The following DNAH10 variants were observed in gnomAD, a reference collection of about 807,000 sequenced individuals.
The protein encoded by DNAH10 is dynein axonemal heavy chain 10.
A neutral mutation model predicts 506.6 loss-of-function variants in DNAH10; 348 were observed. The observed-to-expected ratio is 0.69, with a 90% CI of 0.63 to 0.75. The LOEUF is 0.75. DNAH10 is among the 30% of genes least tolerant of loss of function. The pLI, the probability that DNAH10 is intolerant of heterozygous loss-of-function variation, is 0.00. For missense variants in DNAH10, 5,179 were observed against 5,787.1 expected (o/e 0.89, Z 3.41); for synonymous variants, 2,059 against 2,198.6 (o/e 0.94, Z 1.78).
In DNAH10 at chr12:123,933,426, C is replaced by T. The variant is rs56219209; in HGVS notation, c.13392C>T (p.Asn4464=). The part of the protein sequence containing the change: ...TALVQATCRK[N]GWPLDRSTLF... ...TGGTGCAGGCCACCTGCCGGAAGAA[C>T]GGCTGGCCACTGGACCGCTCCACCT... Residue 4464 remains asparagine (N), a synonymous_variant, in exon 77 of 79, where the codon AAC becomes AAT. Transcript: ENST00000673944. 0.019 allele frequency: 30,059 copies of T among 1,612,662 alleles called. 354 individuals are homozygous for T. Among genetic ancestry groups the T allele is most frequent in the Middle Eastern group, 0.028 (164 of 5,832 alleles).
chr12:123,832,065 CAT>C (rs1250336078), intron 26 of DNAH10, among the ~76,000 whole-genome samples: 5 of 152,308 alleles, frequency 3.3e-5, no homozygotes, highest in African/African-American at 1.2e-4. Flanking sequence ...CATGTAGACA[CAT>C]ATGCATGCAA....
At chr12:123,922,939 T>G (rs1954792613) in intron 65 of DNAH10, 2 of 152,162 alleles carry the variant, frequency 1.3e-5, no homozygotes. Context: ...TTTGGAGAAA[T>G]ATAATTTAGC....
intron 52 of DNAH10, among the ~76,000 whole-genome samples, chr12:123,889,237 G>T (rs1187889495): frequency 6.6e-6 from 1 of 152,150 alleles, no homozygotes; most frequent in Non-Finnish European, 1.5e-5. Flanking sequence ...ATGCTTCTGC[G>T]TGCCACTATC....
chr12:123,781,783 A>G (rs780737286), intron 6 of DNAH10, among the ~76,000 whole-genome samples: 4 of 152,094 alleles, frequency 2.6e-5, no homozygotes, highest in Non-Finnish European at 5.9e-5. Flanking sequence ...GGATTTTTGA[A>G]TACATTTTTC....
At position 123,909,620 on chromosome 12, in the gene DNAH10, G is replaced by A. The variant is rs568804295; in HGVS notation, c.9997+178G>A. On this transcript the variant is annotated intron_variant, in intron 58 of 78. Coordinates refer to ENST00000673944, the MANE Select transcript of DNAH10 (RefSeq NM_001372106.1). The surrounding 1 kb of genome is among the most constrained non-coding windows in gnomAD (Gnocchi z 5.4). ...CAGAGGAAAACAGCAGCCCCATGAC[G>A]TGACCCAGGGAGAGTGGCTGGGGAT... Among the ~76,000 whole-genome samples the A allele has an allele frequency of 1.0e-3, 157 of 152,332 alleles. 3 individuals are homozygous for A. The South Asian group carries it at 0.022, about 22-fold the overall frequency.
In DNAH10 at chr12:123,878,612, G is replaced by A. The variant is rs540938766; in HGVS notation, c.8373-652G>A. On this transcript the variant is annotated intron_variant, in intron 48 of 78. Transcript: ENST00000673944. ...GAGTTGGCTCTTAGAAAAAGGAGCT[G>A]TCGGCCAGGCACAGTGGCTAATGCC... Among the ~76,000 whole-genome samples the A allele has an allele frequency of 8.5e-5, 13 of 152,288 alleles. No individual in the cohort carries two copies. The East Asian group carries it at 2.3e-3, about 27-fold the overall frequency.
rs764802017 is a variant in DNAH10 at position 123,897,912 on chromosome 12, T to A, written c.9423T>A (p.Leu3141=). Residue 3141 remains leucine, a synonymous_variant, in exon 55 of 79, where the codon CTT becomes CTA. Coordinates refer to ENST00000673944, the MANE Select transcript of DNAH10 (RefSeq NM_001372106.1). ...RSNYVTPKNY[L]DFINTYSKLL... is the part of the protein sequence containing the mutation. ...ACTATGTCACTCCCAAGAACTACCT[T>A]GATTTTATTAACACCTATTCAAAAT... is the stretch of plus-strand genomic sequence containing the variant. 6.2e-7 allele frequency: 1 copy of A among 1,608,630 alleles called. No individual in the cohort carries two copies. Among genetic ancestry groups the A allele is most frequent in the Non-Finnish European group, 8.5e-7 (1 of 1,178,548 alleles).
rs143644294 is a variant in DNAH10, at chr12:123,925,239, G to A, written c.11921+35G>A. 1,057 of 1,612,758 alleles carry A rather than the reference G, an allele frequency of 6.6e-4. 6 individuals carry two copies. The African/African-American group carries it at 0.012, about 18-fold the overall frequency. On this transcript the variant is annotated intron_variant, in intron 68 of 78. Coordinates refer to ENST00000673944, the MANE Select transcript of DNAH10 (RefSeq NM_001372106.1). The surrounding 1 kb of genome is among the most constrained non-coding windows in gnomAD (Gnocchi z 4.0). Reference sequence around the variant, plus strand: ...TCGTTTTGTTGATTTGCCACTTTCCGTGGGGTGGAATCTCTAGCGTCCTCC... The same window carrying A: ...TCGTTTTGTTGATTTGCCACTTTCCATGGGGTGGAATCTCTAGCGTCCTCC...
intron 38 of DNAH10, among the ~76,000 whole-genome samples, chr12:123,859,872 TA>T (rs1165465724): frequency 1.3e-5 from 2 of 150,406 alleles, no homozygotes; most frequent in African/African-American, 2.4e-5. Flanking sequence ...GTCTCCACAT[TA>T]AAAAAAAATT....
chr12:123,796,973 C>G (rs921181025), intron 13 of DNAH10, 141 bp downstream of exon 13: 1 of 688,934 alleles, frequency 1.5e-6, no homozygotes, highest in Non-Finnish European at 2.2e-6. Context: ...CAGGTTCAAG[C>G]GATTCTCTTG....
chr12:123,788,656 G>T (rs181654740), intron 10 of DNAH10, among the ~76,000 whole-genome samples: 4 of 152,342 alleles, frequency 2.6e-5, no homozygotes, highest in African/African-American at 9.6e-5. Flanking sequence ...GGCCAGGCAT[G>T]ATGGCTCACA....
At chr12:123,912,922 C>T (rs1259836347) in intron 59 of DNAH10, among the ~76,000 whole-genome samples, 176 bp from the exon 60 acceptor site, 1 of 152,150 alleles carries the variant, frequency 6.6e-6, no homozygotes, top group Non-Finnish European at 1.5e-5. Context: ...GGAGTTTTTG[C>T]AGCAAACAGT....
Position 123,853,502 on chromosome 12 carries a change from CCT to C in DNAH10, c.6438+153_6438+154del. 9.6e-7 allele frequency: 1 copy of C among 1,041,252 alleles called. No individual in the cohort carries two copies. Among genetic ancestry groups the C allele is most frequent in the South Asian group, 2.2e-5 (1 of 46,158 alleles). The allele number at this position is 1,041,252 out of a possible 1,614,324, so 64.5% of individuals were successfully genotyped here. ...ACCCCGCGGTCTGGCCTTACTTTGG[CCT>C]CTTACCTGTTGTATCGTTTGCTTGT... On this transcript the variant is annotated intron_variant, in intron 36 of 78. Coordinates refer to ENST00000673944, the MANE Select transcript of DNAH10 (RefSeq NM_001372106.1). This position sits in a 1 kb window ranked among gnomAD's most constrained non-coding sequence, Gnocchi z 4.7.
At chr12:123,836,383 C>A (rs1055465680) in intron 28 of DNAH10, among the ~76,000 whole-genome samples, 1 of 152,200 alleles carries the variant, frequency 6.6e-6, no homozygotes, top group Non-Finnish European at 1.5e-5. Context: ...TCTTTGCTTT[C>A]ATAAATAATG....
At position 123,800,349 on chromosome 12, in the gene DNAH10, T is replaced by A; in HGVS notation, c.2423T>A (p.Leu808Ter). 1 of 1,614,070 alleles carries A rather than the reference T, an allele frequency of 6.2e-7. No individual in the cohort carries two copies. Among genetic ancestry groups the A allele is most frequent in the Non-Finnish European group, 8.5e-7 (1 of 1,180,014 alleles). ...LEQLGFTVPE[L>*]ARNVALQEDK... is the part of the protein sequence containing the mutation. ...CAGCTGGGGTTCACTGTCCCTGAAT[T>A]AGCAAGAAATGTTGCTCTCCAGGAA... Residue 808 changes from leucine to a stop codon, truncating the protein, a stop_gained, in exon 15 of 79, where the codon TTA becomes TAA. Transcript: ENST00000673944. LOFTEE classifies it high-confidence loss of function.
intron 17 of DNAH10, among the ~76,000 whole-genome samples, 197 bp downstream of exon 17, chr12:123,804,022 A>G (rs952941988): frequency 1.3e-5 from 2 of 152,062 alleles, no homozygotes; most frequent in African/African-American, 2.4e-5. Flanking sequence ...CATGTTTTAT[A>G]TATTGCTTAG....
intron 1 of DNAH10, among the ~76,000 whole-genome samples, chr12:123,763,123 G>A (rs557907107): frequency 2.6e-4 from 40 of 152,308 alleles, no homozygotes; most frequent in Non-Finnish European, 5.1e-4. Flanking sequence ...CTAGGACAAA[G>A]TTTAAAAACT....
chr12:123,928,452 C>A lies in DNAH10; in HGVS notation c.12171C>A (p.His4057Gln). ...AGTGGCTGATGCTGCAGAACTGCCA[C>A]CTCCTGGTCAAGTGGCTGAAAGATC... is the stretch of plus-strand genomic sequence containing the variant. The part of the protein sequence containing the change: ...RGQWLMLQNC[H>Q]LLVKWLKDLE... Residue 4057 changes from histidine to glutamine, a missense_variant, in exon 70 of 79, where the codon CAC (histidine) becomes CAA (glutamine). His to Gln is a conservative substitution (Grantham distance 24). Transcript: ENST00000673944. The surrounding 1 kb of genome is among the most constrained non-coding windows in gnomAD (Gnocchi z 4.9). 2 of 1,609,640 alleles carry A rather than the reference C, an allele frequency of 1.2e-6. No individual in the cohort carries two copies. The highest frequency in any genetic ancestry group is 8.5e-7 in the Non-Finnish European group (1 of 1,178,356).
At chr12:123,934,345 C>A (rs535499967) in intron 77 of DNAH10, 1 of 667,704 alleles carries the variant, frequency 1.5e-6, no homozygotes, top group East Asian at 2.7e-5. Context: ...GGCCTTGATG[C>A]CCCAGGAATG....
Sources: gnomAD v4.1 joint callset for allele counts (sites outside exome capture counted in the v4.1 genomes callset) on GRCh38, gnomAD v4.1.1 for gene constraint, Gnocchi (gnomAD v3.1) non-coding constraint, MANE v1.5 for transcripts, NCBI Gene and HGNC (gene_info 2026-07-23, HGNC 2026-07-21) for gene names.